The following CREBRF variants were observed in gnomAD, a reference collection of about 807,000 sequenced individuals.
CREBRF encodes the protein UPF0474 protein C5orf41.
In CREBRF, 5 loss-of-function variants were observed where a neutral mutation model predicts 66.1. The observed-to-expected ratio is 0.08, with a 90% CI of 0.04 to 0.16. CREBRF has a LOEUF of 0.16. Among genes scored for constraint, CREBRF ranks in the 10% least tolerant of loss-of-function variants. The pLI, the probability that CREBRF is intolerant of heterozygous loss-of-function variation, is 1.00. For synonymous variants in CREBRF, 229 were observed against 264.4 expected, an observed-to-expected ratio of 0.87 and a Z score of 1.30; for missense variants, 531 against 744.9, an observed-to-expected ratio of 0.71 and a Z score of 3.34.
In CREBRF at chr5:173,080,700, A is replaced by C; in HGVS notation, c.-76A>C. The C allele has an allele frequency of 6.8e-7, 1 of 1,465,190 alleles. No individual in the cohort carries two copies. The highest frequency in any genetic ancestry group is 9.5e-7 in the Non-Finnish European group (1 of 1,049,328). 90.8% of individuals were successfully genotyped at this position (1,465,190 alleles called of 1,614,324 possible). A position where few individuals can be genotyped will look rare whatever the true frequency, so the allele number is the denominator to read the frequency against. On this transcript the variant is annotated 5_prime_UTR_variant, in exon 2 of 9. Transcript: ENST00000296953. ...AATCATCTTCGATCTTGGAATTGAAAGTAAAGCTGGAAAGGAATTTACAAA... is the reference window on the plus strand; with the variant it reads ...AATCATCTTCGATCTTGGAATTGAACGTAAAGCTGGAAAGGAATTTACAAA...
chr5:173,122,209 C>G lies in CREBRF; in HGVS notation c.1682-871C>G, dbSNP rs573808483. Among the ~76,000 whole-genome samples, 4 of 152,294 alleles carry G rather than the reference C, an allele frequency of 2.6e-5. No homozygotes were observed. The South Asian group carries it at 8.3e-4, about 32-fold the overall frequency. ...CTCCACCTCCTGGGTTCAGGTAATTCTCCTGCCTCAGCCTCTGGAATAGCT... is the reference window on the plus strand; with the variant it reads ...CTCCACCTCCTGGGTTCAGGTAATTGTCCTGCCTCAGCCTCTGGAATAGCT... On this transcript the variant is annotated intron_variant, in intron 7 of 8. Coordinates refer to ENST00000296953, the MANE Select transcript of CREBRF (RefSeq NM_153607.3).
intron 8 of CREBRF, among the ~76,000 whole-genome samples, chr5:173,129,639 C>T (rs1581052886): frequency 2.0e-5 from 3 of 148,946 alleles, no homozygotes; most frequent in Admixed American, 6.7e-5. Context: ...GCGAGAGGAT[C>T]GCTTTTGCCC....
At chr5:173,108,855 T>G in intron 5 of CREBRF, 37 bp downstream of exon 5, 1 of 1,574,900 alleles carries the variant, frequency 6.3e-7, no homozygotes, top group Non-Finnish European at 8.7e-7. Flanking sequence ...TAGTGTCACT[T>G]TAATCAAGTT....
At chr5:173,132,221 G>A (rs545444081) in intron 8 of CREBRF, among the ~76,000 whole-genome samples, 1 of 145,786 alleles carries the variant, frequency 6.9e-6, no homozygotes, top group Non-Finnish European at 1.5e-5. Context: ...GAGTAGCTGG[G>A]ATTACAGGTA....
chr5:173,080,691 G>A lies in CREBRF; in HGVS notation c.-85G>A. 7.3e-7 allele frequency: 1 copy of A among 1,363,358 alleles called. No individual in the cohort carries two copies. Among genetic ancestry groups the A allele is most frequent in the Admixed American group, 1.7e-5 (1 of 57,154 alleles). The allele number at this position is 1,363,358 out of a possible 1,614,324, so 84.5% of individuals were successfully genotyped here. A position where few individuals can be genotyped will look rare whatever the true frequency, so the allele number is the denominator to read the frequency against. ...TATTGTGGAAATCATCTTCGATCTTGGAATTGAAAGTAAAGCTGGAAAGGA... is the reference window on the plus strand; with the variant it reads ...TATTGTGGAAATCATCTTCGATCTTAGAATTGAAAGTAAAGCTGGAAAGGA... On this transcript the variant is annotated 5_prime_UTR_variant, in exon 2 of 9. Transcript: ENST00000296953.
chr5:173,122,573 TTATTA>T (rs1759164278), intron 7 of CREBRF, among the ~76,000 whole-genome samples: 1 of 47,250 alleles, frequency 2.1e-5, no homozygotes. Flanking sequence ...ATTTCTTTTA[TTATTA>T]TTATTATTAT....
intron 4 of CREBRF, among the ~76,000 whole-genome samples, chr5:173,107,400 A>ATAGG (rs1758773306): frequency 6.6e-6 from 1 of 152,154 alleles, no homozygotes; most frequent in Admixed American, 6.6e-5. Context: ...TTTTAGATTT[A>ATAGG]TAGGTCATTC....
chr5:173,092,354 C>T (rs945927508), intron 4 of CREBRF: 17 of 984,710 alleles, frequency 1.7e-5, no homozygotes, highest in Non-Finnish European at 2.0e-5. Flanking sequence ...TATTTATATA[C>T]AGCGCATATA....
chr5:173,099,916 A>G (rs1758574255), intron 4 of CREBRF, among the ~76,000 whole-genome samples: 1 of 141,674 alleles, frequency 7.1e-6, no homozygotes, highest in African/African-American at 2.6e-5. Flanking sequence ...TTTGAGACAG[A>G]GTCTTGCTCT....
chr5:173,062,457 A>G (rs1757302185), intron 1 of CREBRF, among the ~76,000 whole-genome samples: 1 of 152,188 alleles, frequency 6.6e-6, no homozygotes, highest in East Asian at 1.9e-4. Context: ...TCAAACAAAA[A>G]GCCTTCATTC....
At chr5:173,110,337 G>A (rs1173789749) in intron 5 of CREBRF, 185 bp from the exon 6 acceptor site, 32 of 689,662 alleles carry the variant, frequency 4.6e-5, no homozygotes, top group Non-Finnish European at 6.7e-5. Context: ...GCAGCCACAA[G>A]ATGGGAAGGA....
intron 4 of CREBRF, among the ~76,000 whole-genome samples, chr5:173,096,766 TATC>T (rs1382972925): frequency 3.3e-5 from 5 of 152,208 alleles, no homozygotes; most frequent in East Asian, 3.9e-4. Flanking sequence ...AATTTTATTT[TATC>T]ATGAAAGCAT....
rs1759550338 is a variant in CREBRF at position 173,134,788 on chromosome 5, A to C, written c.*1043A>C. The C allele has an allele frequency of 6.6e-6, 1 of 152,582 alleles. No individual in the cohort carries two copies. Among genetic ancestry groups the C allele is most frequent in the African/African-American group, 2.4e-5 (1 of 41,584 alleles). 9.5% of individuals were successfully genotyped at this position (152,582 alleles called of 1,614,324 possible). A position where few individuals can be genotyped will look rare whatever the true frequency, so the allele number is the denominator to read the frequency against. ...AAAAAAGGTCAGGGTTAGGGATCTTACTGAACTGTGAATTTTATTTCTGTT... is the reference window on the plus strand; with the variant it reads ...AAAAAAGGTCAGGGTTAGGGATCTTCCTGAACTGTGAATTTTATTTCTGTT... On this transcript the variant is annotated 3_prime_UTR_variant, in exon 9 of 9. Coordinates refer to ENST00000296953, the MANE Select transcript of CREBRF (RefSeq NM_153607.3).
At chr5:173,058,834 C>A (rs1393753163) in intron 1 of CREBRF, among the ~76,000 whole-genome samples, 1 of 137,084 alleles carries the variant, frequency 7.3e-6, no homozygotes. Context: ...CTCCGTCTGT[C>A]GCCCAGGCTG....
intron 1 of CREBRF, among the ~76,000 whole-genome samples, chr5:173,067,815 G>A (rs1184310279): frequency 3.9e-5 from 6 of 151,908 alleles, no homozygotes; most frequent in Admixed American, 2.0e-4. Flanking sequence ...CTTGGCTAAC[G>A]CAGTGAAACC....
chr5:173,127,461 C>CTTTTT (rs70984945), intron 8 of CREBRF, among the ~76,000 whole-genome samples: 2 of 130,804 alleles, frequency 1.5e-5, no homozygotes, highest in African/African-American at 5.6e-5. Flanking sequence ...TTTTTCTTTT[C>CTTTTT]TTTTTTTTTT....
chr5:173,100,704 G>A (rs1330981076), intron 4 of CREBRF, among the ~76,000 whole-genome samples: 1 of 152,194 alleles, frequency 6.6e-6, no homozygotes, highest in Non-Finnish European at 1.5e-5. Context: ...GATTACAGGC[G>A]TGAGCCACAC....
At chr5:173,066,154 A>G (rs957885289) in intron 1 of CREBRF, among the ~76,000 whole-genome samples, 5 of 152,156 alleles carry the variant, frequency 3.3e-5, no homozygotes, top group African/African-American at 4.8e-5. Flanking sequence ...CTTGCGCACT[A>G]TCTGCTTATT....
chr5:173,088,067 C>T (rs1758215124), intron 3 of CREBRF, among the ~76,000 whole-genome samples: 2 of 151,608 alleles, frequency 1.3e-5, no homozygotes, highest in Admixed American at 1.3e-4. Context: ...TCGTGATCCA[C>T]CCACCTCGGA....
Sources: gnomAD v4.1 joint callset for allele counts (sites outside exome capture counted in the v4.1 genomes callset) on GRCh38, gnomAD v4.1.1 for gene constraint, MANE v1.5 for transcripts, NCBI Gene and HGNC (gene_info 2026-07-23, HGNC 2026-07-21) for gene names.